The following CMSS1 variants were observed in gnomAD, a reference collection of about 807,000 sequenced individuals.
CMSS1 encodes protein CMSS1.
A neutral mutation model predicts 43.5 loss-of-function variants in CMSS1; 33 were observed. The ratio of observed to expected loss-of-function variants is 0.76; its 90% CI spans 0.57 to 1.01. The LOEUF (loss-of-function observed/expected upper bound fraction) is 1.01, where lower values mean the gene tolerates loss of function less well. CMSS1 is among the 50% of genes least tolerant of loss of function. CMSS1 has a pLI of 0.00. For missense variants in CMSS1, 313 were observed against 326.4 expected (o/e 0.96, Z 0.32); for synonymous variants, 115 against 117.2 (o/e 0.98, Z 0.12).
chr3:99,988,226 A>C (rs1709403630), intron 1 of CMSS1, among the ~76,000 whole-genome samples: 1 of 151,618 alleles, frequency 6.6e-6, no homozygotes, highest in Non-Finnish European at 1.5e-5. Context: ...GGCCGGGCGC[A>C]GTGCCTCACG....
At chr3:99,972,325 T>C (rs1302772855) in intron 1 of CMSS1, among the ~76,000 whole-genome samples, 1 of 152,208 alleles carries the variant, frequency 6.6e-6, no homozygotes, top group African/African-American at 2.4e-5. Context: ...GGGATTTGCA[T>C]GTGGAAAACT....
At chr3:99,875,929 C>T in intron 1 of CMSS1, 1 of 442,202 alleles carries the variant, frequency 2.3e-6, no homozygotes. Flanking sequence ...CGGTTTTGAA[C>T]CTAGAATTCA....
chr3:99,927,597 G>T (rs538768778), intron 1 of CMSS1, among the ~76,000 whole-genome samples: 2 of 152,200 alleles, frequency 1.3e-5, no homozygotes, highest in South Asian at 2.1e-4. Flanking sequence ...TCGAATTCCC[G>T]ACCTCAGGTG....
intron 1 of CMSS1, among the ~76,000 whole-genome samples, chr3:99,905,663 C>T (rs1012546355): frequency 1.3e-5 from 2 of 152,216 alleles, no homozygotes; most frequent in Non-Finnish European, 2.9e-5. Context: ...ATATTTCCAA[C>T]TCTGCCACTA....
intron 1 of CMSS1, among the ~76,000 whole-genome samples, chr3:100,133,057 T>G (rs1460286976): frequency 2.6e-5 from 4 of 152,092 alleles, no homozygotes; most frequent in African/African-American, 9.7e-5. Flanking sequence ...CATGTATACC[T>G]TTTTACAATG....
At chr3:99,838,397 G>T (rs1341724492) in intron 1 of CMSS1, among the ~76,000 whole-genome samples, 3 of 152,174 alleles carry the variant, frequency 2.0e-5, no homozygotes, top group African/African-American at 7.2e-5. Flanking sequence ...CAGAAGAGGC[G>T]AGCATTGATA....
intron 1 of CMSS1, among the ~76,000 whole-genome samples, chr3:100,083,238 T>C (rs963993704): frequency 6.6e-6 from 1 of 152,260 alleles, no homozygotes; most frequent in Non-Finnish European, 1.5e-5. Context: ...TAAATAGTTT[T>C]ACTTTATCTT....
At chr3:100,143,169 C>T (rs556744095) in intron 1 of CMSS1, among the ~76,000 whole-genome samples, 14 of 152,254 alleles carry the variant, frequency 9.2e-5, no homozygotes, top group Admixed American at 8.5e-4. Context: ...TTGGGGTAGC[C>T]TTTAGATTTC....
At chr3:99,960,018 C>T (rs1302833517) in intron 1 of CMSS1, among the ~76,000 whole-genome samples, 4 of 152,092 alleles carry the variant, frequency 2.6e-5, no homozygotes, top group Non-Finnish European at 4.4e-5. Context: ...TCCTCCTTTC[C>T]TGCCTCCCTC....
intron 1 of CMSS1, among the ~76,000 whole-genome samples, chr3:100,007,224 A>G (rs1276835043): frequency 6.6e-6 from 1 of 152,184 alleles, no homozygotes; most frequent in Non-Finnish European, 1.5e-5. Context: ...CTTCATGACC[A>G]TGAAAGTAAA....
chr3:100,054,620 G>A (rs1036210325), intron 1 of CMSS1, among the ~76,000 whole-genome samples: 9 of 152,082 alleles, frequency 5.9e-5, no homozygotes, highest in East Asian at 1.9e-4. Context: ...GGAATACAAC[G>A]TGAATAATCT....
chr3:100,049,472 A>T (rs1481414788), intron 1 of CMSS1, among the ~76,000 whole-genome samples: 1 of 152,180 alleles, frequency 6.6e-6, no homozygotes, highest in Non-Finnish European at 1.5e-5. Context: ...TCTTCTTTTT[A>T]TTGATTGATC....
chr3:99,952,689 C>A (rs1056573078), intron 1 of CMSS1, among the ~76,000 whole-genome samples: 11 of 152,192 alleles, frequency 7.2e-5, no homozygotes, highest in Non-Finnish European at 1.3e-4. Flanking sequence ...TCTTTCTACC[C>A]TATATTTTTA....
intron 1 of CMSS1, among the ~76,000 whole-genome samples, chr3:99,887,436 G>T (rs1455631494): frequency 6.6e-6 from 1 of 152,134 alleles, no homozygotes; most frequent in African/African-American, 2.4e-5. Context: ...AGCAGAGCTG[G>T]GCCTCTGCAG....
At chr3:100,146,553 G>A (rs1037295625) in intron 1 of CMSS1, among the ~76,000 whole-genome samples, 5 of 152,160 alleles carry the variant, frequency 3.3e-5, no homozygotes, top group Non-Finnish European at 7.3e-5. Flanking sequence ...TAGTTATATT[G>A]TAAGAATTAA....
intron 1 of CMSS1, among the ~76,000 whole-genome samples, chr3:99,950,025 A>T (rs1342928424): frequency 6.6e-6 from 1 of 152,162 alleles, no homozygotes; most frequent in Non-Finnish European, 1.5e-5. Flanking sequence ...TCGACTTTAT[A>T]TGTATTTTTG....
chr3:99,865,764 A>G (rs1476094586), intron 1 of CMSS1, among the ~76,000 whole-genome samples: 1 of 151,786 alleles, frequency 6.6e-6, no homozygotes, highest in Non-Finnish European at 1.5e-5. Flanking sequence ...AAATATATAT[A>G]TATATATCCT....
chr3:100,093,467 T>C (rs575329614), intron 1 of CMSS1, among the ~76,000 whole-genome samples: 15 of 152,304 alleles, frequency 9.8e-5, no homozygotes, highest in Middle Eastern at 3.4e-3. Flanking sequence ...AAATATATAC[T>C]TTTAATTTTT....
intron 1 of CMSS1, among the ~76,000 whole-genome samples, chr3:99,960,999 AG>A (rs1238689462): frequency 2.0e-5 from 3 of 152,200 alleles, no homozygotes; most frequent in African/African-American, 7.2e-5. Flanking sequence ...GCGTGTGTGC[AG>A]ATCGCAGGTT....
Sources: allele counts gnomAD v4.1 joint callset (sites outside exome capture counted in the v4.1 genomes callset), GRCh38; gene constraint gnomAD v4.1.1; transcripts MANE v1.5; gene names NCBI Gene and HGNC (gene_info 2026-07-23, HGNC 2026-07-21).